AGPAT2: variants seen among roughly 807,000 people sequenced by gnomAD.
The protein encoded by AGPAT2 is 1-acyl-sn-glycerol-3-phosphate acyltransferase beta.
AGPAT2 carries 18 observed loss-of-function variants against 26.1 expected under a neutral mutation model. That is an observed-to-expected ratio of 0.69 (90% CI 0.48 to 1.02). AGPAT2 has a LOEUF of 1.02. AGPAT2 is among the 50% of genes least tolerant of loss of function. The pLI, the probability that AGPAT2 is intolerant of heterozygous loss-of-function variation, is 0.00. For missense variants in AGPAT2, 415 were observed against 394.9 expected (o/e 1.05, Z -0.43); for synonymous variants, 200 against 174.2 (o/e 1.15, Z -1.16).
intron 1 of AGPAT2, among the ~76,000 whole-genome samples, chr9:136,682,829 C>T (rs746608064): frequency 6.6e-6 from 1 of 152,154 alleles, no homozygotes; most frequent in Admixed American, 6.5e-5. Flanking sequence ...CTCCTCAGAC[C>T]GCCTGAGCTC....
chr9:136,685,436 A>G lies in AGPAT2; in HGVS notation c.182+1740T>C, dbSNP rs997576158. 3.3e-5 allele frequency among the ~76,000 whole-genome samples: 5 copies of G among 152,310 alleles called. No individual in the cohort carries two copies. In the East Asian group the frequency reaches 9.6e-4, roughly 29 times the overall value. On this transcript the variant is annotated intron_variant, in intron 1 of 5. Transcript: ENST00000371696. Reference sequence around the variant, plus strand: ...TGAACTGTGATTTGGTCCCTGGAAAACAGCTAGGAAGTCCAGGCAGAGGCC... The same window carrying G: ...TGAACTGTGATTTGGTCCCTGGAAAGCAGCTAGGAAGTCCAGGCAGAGGCC...
At chr9:136,676,104 C>T (rs1166411216) in intron 4 of AGPAT2, among the ~76,000 whole-genome samples, 11 of 152,320 alleles carry the variant, frequency 7.2e-5, no homozygotes, top group African/African-American at 2.6e-4. Flanking sequence ...AGGCTGGGGA[C>T]CAGGAAGTCC....
At chr9:136,679,523 C>T (rs1315151349) in intron 1 of AGPAT2, among the ~76,000 whole-genome samples, 1 of 152,202 alleles carries the variant, frequency 6.6e-6, no homozygotes, top group Non-Finnish European at 1.5e-5. Flanking sequence ...GCTGGTAGCA[C>T]CCGCACACTC....
intron 4 of AGPAT2, among the ~76,000 whole-genome samples, chr9:136,675,429 CAGCAGGAA>C (rs1846078783): frequency 8.5e-5 from 2 of 23,622 alleles, no homozygotes; most frequent in African/African-American, 2.3e-4. Context: ...TGGGGACTGG[CAGCAGGAA>C]GGGAGGAGGC....
Position 136,677,140 on chromosome 9 carries a change from GGAGACAGA to G in AGPAT2, c.317-12_317-5del. ...TCCGGAAGGACCTCCATGAGGCCTGGGAGACAGAGAGACAGAGACAGAGAGAGAGGGGG... is the reference window on the plus strand; with the variant it reads ...TCCGGAAGGACCTCCATGAGGCCTGGGAGACAGAGACAGAGAGAGAGGGGG... On this transcript the variant is annotated splice_polypyrimidine_tract_variant and splice_region_variant and intron_variant, in intron 2 of 5. Transcript: ENST00000371696. The G allele has an allele frequency of 6.2e-7, 1 of 1,612,800 alleles. No individual in the cohort carries two copies. Among genetic ancestry groups the G allele is most frequent in the East Asian group, 2.2e-5 (1 of 44,890 alleles).
intron 5 of AGPAT2, 29 bp from the exon 6 acceptor site, chr9:136,673,956 C>T (rs1313981850): frequency 2.0e-6 from 3 of 1,485,646 alleles, no homozygotes; most frequent in East Asian, 2.6e-5. Flanking sequence ...ACCTCAGTGG[C>T]CTGTGGGGAG....
chr9:136,677,400 GC>G lies in AGPAT2; in HGVS notation c.316+22del, dbSNP rs753133265. The G allele has an allele frequency of 8.7e-6, 14 of 1,612,898 alleles. No homozygotes were observed. The African/African-American group carries it at 1.9e-4, about 22-fold the overall frequency. Reference sequence around the variant, plus strand: ...AGCCGGCCCCACTCAAACCCCAGAAGCCACCCCCGAGGCCCGGCCTACCCAT... The same window carrying G: ...AGCCGGCCCCACTCAAACCCCAGAAGCACCCCCGAGGCCCGGCCTACCCAT... On this transcript the variant is annotated intron_variant, in intron 2 of 5. Coordinates refer to ENST00000371696, the MANE Select transcript of AGPAT2 (RefSeq NM_006412.4).
chr9:136,683,872 C>CAA (rs2131019751), intron 1 of AGPAT2, among the ~76,000 whole-genome samples: 1 of 152,328 alleles, frequency 6.6e-6, no homozygotes, highest in East Asian at 1.9e-4. Flanking sequence ...GGACATCTGT[C>CAA]AGAGGACCCG....
rs1026042809 is a variant in AGPAT2 at position 136,674,045 on chromosome 9, C to T, written c.662-118G>A. On this transcript the variant is annotated intron_variant, in intron 5 of 5. Transcript: ENST00000371696. ...AGCCCCTCCCTGGGAAGCCCGAGGC[C>T]GGGCTCTTCCCCTGGACTCCCTAGC... The T allele has an allele frequency of 3.3e-5, 34 of 1,024,138 alleles. 1 individual carries two copies. The highest frequency in any genetic ancestry group is 4.1e-5 in the South Asian group (2 of 48,706). 63.4% of individuals were successfully genotyped at this position (1,024,138 alleles called of 1,614,324 possible).
At chr9:136,675,984 C>T (rs1408165047) in intron 4 of AGPAT2, among the ~76,000 whole-genome samples, 7 of 152,190 alleles carry the variant, frequency 4.6e-5, no homozygotes, top group Admixed American at 4.6e-4. Context: ...GTAAAAGCTC[C>T]TTCTCCTGAC....
intron 1 of AGPAT2, among the ~76,000 whole-genome samples, chr9:136,683,538 T>C (rs1846187610): frequency 6.6e-6 from 1 of 152,106 alleles, no homozygotes; most frequent in Admixed American, 6.5e-5. Flanking sequence ...CAGTGAGGAA[T>C]CTGGTGTTTT....
At chr9:136,682,025 C>A (rs969786416) in intron 1 of AGPAT2, among the ~76,000 whole-genome samples, 9 of 152,154 alleles carry the variant, frequency 5.9e-5, no homozygotes, top group Non-Finnish European at 8.8e-5. Flanking sequence ...ACGATCATAA[C>A]CCCCCTCTTC....
At position 136,677,108 on chromosome 9, in the gene AGPAT2, G is replaced by A. The variant is rs73668354; in HGVS notation, c.345C>T (p.Cys115=). 2.8e-3 allele frequency: 4,443 copies of A among 1,613,124 alleles called. 95 individuals carry two copies. In the African/African-American group the frequency reaches 0.045, roughly 16 times the overall value. Residue 115 remains cysteine (C), a synonymous_variant, in exon 3 of 6, where the codon TGC becomes TGT. Transcript: ENST00000371696. ...MGLMEVLPER[C]VQIAKRELLF... is the part of the protein sequence containing the mutation. ...GCAGCTCCCGCTTGGCGATCTGCACGCAGCGCTCCGGAAGGACCTCCATGA... is the reference window on the plus strand; with the variant it reads ...GCAGCTCCCGCTTGGCGATCTGCACACAGCGCTCCGGAAGGACCTCCATGA...
rs4880119 is a variant in AGPAT2, at chr9:136,673,595, G to A, written c.*157C>T. On this transcript the variant is annotated 3_prime_UTR_variant, in exon 6 of 6. Transcript: ENST00000371696. ...GGGACACCAGGGGCCTGTGTCTGAG[G>A]CCAGTGACAGAAGGGGCTTCCTGCT... 0.83 allele frequency: 683,819 copies of A among 827,698 alleles called. 284,370 individuals are homozygous for A. Among genetic ancestry groups the A allele is most frequent in the East Asian group, 0.94 (29,714 of 31,676 alleles). The allele number at this position is 827,698 out of a possible 1,614,324, so 51.3% of individuals were successfully genotyped here. A position where few individuals can be genotyped will look rare whatever the true frequency, so the allele number is the denominator to read the frequency against.
chr9:136,679,800 C>T (rs562671403), intron 1 of AGPAT2, among the ~76,000 whole-genome samples: 28 of 152,294 alleles, frequency 1.8e-4, no homozygotes, highest in African/African-American at 4.6e-4. Flanking sequence ...ACAGGCCCAG[C>T]GGCTGGCAGG....
rs1475274611 is a variant in AGPAT2 at position 136,677,586 on chromosome 9, C to T, written c.183-30G>A. 2.6e-5 allele frequency: 42 copies of T among 1,612,548 alleles called. No individual in the cohort carries two copies. In the Admixed American group the frequency reaches 6.8e-4, roughly 26 times the overall value. ...AGGGGAGGCCACCATGAACACGGGTCCCACAGATCCCGCAGCCGAGGCTGG... is the reference window on the plus strand; with the variant it reads ...AGGGGAGGCCACCATGAACACGGGTTCCACAGATCCCGCAGCCGAGGCTGG... On this transcript the variant is annotated intron_variant, in intron 1 of 5. Coordinates refer to ENST00000371696, the MANE Select transcript of AGPAT2 (RefSeq NM_006412.4).
intron 1 of AGPAT2, among the ~76,000 whole-genome samples, chr9:136,680,434 C>A (rs533174819): frequency 4.6e-5 from 7 of 152,014 alleles, no homozygotes; most frequent in African/African-American, 1.7e-4. Context: ...ACCATGTTGG[C>A]CAGGCTGGTC....
chr9:136,685,380 A>G (rs1846209265), intron 1 of AGPAT2, among the ~76,000 whole-genome samples: 1 of 152,212 alleles, frequency 6.6e-6, no homozygotes, highest in South Asian at 2.1e-4. Context: ...CAGCCAACCC[A>G]GCCTGCCAGG....
intron 5 of AGPAT2, among the ~76,000 whole-genome samples, chr9:136,674,177 C>T (rs1287518781): frequency 6.6e-6 from 1 of 152,204 alleles, no homozygotes; most frequent in African/African-American, 2.4e-5. Flanking sequence ...TTACTGCCCC[C>T]AGAAAGCCCC....
Sources: allele counts gnomAD v4.1 joint callset (sites outside exome capture counted in the v4.1 genomes callset), GRCh38; gene constraint gnomAD v4.1.1; transcripts MANE v1.5; gene names NCBI Gene and HGNC (gene_info 2026-07-23, HGNC 2026-07-21).